The following PCDH9 variants were observed in gnomAD, a reference collection of about 807,000 sequenced individuals.
PCDH9 encodes the protein protocadherin 9, also known as protocadherin-9.
Under a neutral mutation model 70.6 loss-of-function variants are expected in PCDH9, and 24 were observed. The ratio of observed to expected loss-of-function variants is 0.34; its 90% CI spans 0.25 to 0.48. PCDH9 has a LOEUF of 0.48. PCDH9 is among the 20% of genes least tolerant of loss of function. The probability of loss-of-function intolerance (pLI) is 0.99; values close to 1 mark genes in which losing one functional copy is unlikely to be tolerated. For synonymous variants in PCDH9, 562 were observed against 558.5 expected (o/e 1.01, Z -0.09); for missense variants, 1,281 against 1,503.6 (o/e 0.85, Z 2.45).
chr13:66,831,004 C>G (rs529891768), intron 3 of PCDH9, among the ~76,000 whole-genome samples: 1 of 152,254 alleles, frequency 6.6e-6, no homozygotes, highest in East Asian at 1.9e-4. Context: ...TTAAAAATAT[C>G]CCTTAGGGTA....
chr13:66,590,827 A>G (rs900183693), intron 4 of PCDH9, among the ~76,000 whole-genome samples: 2 of 151,698 alleles, frequency 1.3e-5, no homozygotes, highest in African/African-American at 4.8e-5. Flanking sequence ...ATATAGCTCT[A>G]TTTCTCCATT....
intron 2 of PCDH9, among the ~76,000 whole-genome samples, chr13:66,920,985 A>C (rs1316324344): frequency 6.6e-6 from 1 of 151,286 alleles, no homozygotes; most frequent in African/African-American, 2.4e-5. Context: ...AAACTATCTT[A>C]GAGTGAATCT....
chr13:66,355,882 C>T (rs926951124), intron 4 of PCDH9, among the ~76,000 whole-genome samples: 3 of 152,076 alleles, frequency 2.0e-5, no homozygotes, highest in African/African-American at 4.8e-5. Flanking sequence ...GACTGTTTCT[C>T]AGGAGAAAAC....
At chr13:66,899,053 C>T (rs996350724) in intron 3 of PCDH9, among the ~76,000 whole-genome samples, 14 of 151,992 alleles carry the variant, frequency 9.2e-5, no homozygotes, top group African/African-American at 3.4e-4. Context: ...CTCTCACGCA[C>T]CCCTCTTACT....
intron 3 of PCDH9, among the ~76,000 whole-genome samples, chr13:66,744,529 C>T (rs1232453738): frequency 6.6e-6 from 1 of 152,144 alleles, no homozygotes. Flanking sequence ...ACACACAAAA[C>T]ATGTTCACAT....
intron 2 of PCDH9, among the ~76,000 whole-genome samples, chr13:67,099,858 A>C (rs1281112938): frequency 6.6e-6 from 1 of 152,208 alleles, no homozygotes. Flanking sequence ...TGTAAGTTTG[A>C]CACATTGTTC....
chr13:66,780,723 T>C (rs977878167), intron 3 of PCDH9, among the ~76,000 whole-genome samples: 1 of 152,162 alleles, frequency 6.6e-6, no homozygotes, highest in African/African-American at 2.4e-5. Context: ...ATAAAACTTA[T>C]ACATTTATTT....
chr13:66,955,936 A>G (rs1272191226), intron 2 of PCDH9, among the ~76,000 whole-genome samples: 1 of 152,122 alleles, frequency 6.6e-6, no homozygotes, highest in Non-Finnish European at 1.5e-5. Context: ...TACTAAAAAT[A>G]AAAAATAAAT....
intron 4 of PCDH9, among the ~76,000 whole-genome samples, chr13:66,329,503 CT>C (rs369708461): frequency 1.0e-3 from 158 of 152,234 alleles, no homozygotes; most frequent in African/African-American, 3.6e-3. Flanking sequence ...TATGCTCAAC[CT>C]TTTCCAAGTT....
intron 3 of PCDH9, among the ~76,000 whole-genome samples, chr13:66,665,485 C>T (rs1192118356): frequency 6.6e-6 from 1 of 152,164 alleles, no homozygotes; most frequent in African/African-American, 2.4e-5. Context: ...ATTTGGTACA[C>T]ATATTTCCCA....
intron 4 of PCDH9, among the ~76,000 whole-genome samples, chr13:66,587,022 C>G (rs964788454): frequency 6.6e-6 from 1 of 151,932 alleles, no homozygotes; most frequent in Non-Finnish European, 1.5e-5. Context: ...AGTACGGCAC[C>G]CGTCAGCTGG....
At chr13:66,843,026 A>G (rs771925917) in intron 3 of PCDH9, among the ~76,000 whole-genome samples, 1 of 152,188 alleles carries the variant, frequency 6.6e-6, no homozygotes, top group Non-Finnish European at 1.5e-5. Context: ...TTCACTCTTG[A>G]TCTATGTTAA....
chr13:66,687,889 A>C (rs540677651), intron 3 of PCDH9, among the ~76,000 whole-genome samples: 113 of 152,220 alleles, frequency 7.4e-4, no homozygotes, highest in African/African-American at 2.6e-3. Flanking sequence ...CTTCTATGAT[A>C]GTTCTTAGAG....
rs2089911151 is a variant in PCDH9, at chr13:67,227,600, T to C, written c.841A>G (p.Ile281Val). The C allele has an allele frequency of 1.9e-6, 3 of 1,614,122 alleles. No individual in the cohort carries two copies. The East Asian group carries it at 6.7e-5, about 36-fold the overall frequency. ...TACCGGATTTCAGCATTACTGCCTA[T>C]ATCTGCATCAGTGGCATGGAGCTGA... ...VIQLHATDAD[I>V]GSNAEIRYIF... Residue 281 changes from isoleucine to valine, a missense_variant, in exon 2 of 5, where the codon ATA becomes GTA. Coordinates refer to ENST00000377865, the MANE Select transcript of PCDH9 (RefSeq NM_203487.3). This position sits in a 1 kb window ranked among gnomAD's most constrained non-coding sequence, Gnocchi z 4.6.
At chr13:66,338,375 T>A (rs1245572257) in intron 4 of PCDH9, among the ~76,000 whole-genome samples, 2 of 152,038 alleles carry the variant, frequency 1.3e-5, no homozygotes, top group African/African-American at 4.8e-5. Flanking sequence ...TAATTTAACT[T>A]TTTTTGATAA....
intron 3 of PCDH9, among the ~76,000 whole-genome samples, chr13:66,632,417 A>G (rs1385114967): frequency 6.6e-6 from 1 of 152,230 alleles, no homozygotes; most frequent in Non-Finnish European, 1.5e-5. Flanking sequence ...ATTCTTGACC[A>G]TTGACCCAGC....
chr13:66,403,454 T>A (rs1010570595), intron 4 of PCDH9, among the ~76,000 whole-genome samples: 3 of 152,144 alleles, frequency 2.0e-5, no homozygotes, highest in African/African-American at 7.2e-5. Context: ...AGAAATAAGT[T>A]AAATATGCTT....
chr13:67,188,594 A>G (rs1310605925), intron 2 of PCDH9, among the ~76,000 whole-genome samples: 5 of 152,206 alleles, frequency 3.3e-5, no homozygotes, highest in Non-Finnish European at 5.9e-5. Flanking sequence ...ATTTGGAATC[A>G]CATTTGAAAA....
At chr13:66,402,488 A>G (rs1957205392) in intron 4 of PCDH9, among the ~76,000 whole-genome samples, 1 of 152,070 alleles carries the variant, frequency 6.6e-6, no homozygotes, top group Non-Finnish European at 1.5e-5. Flanking sequence ...TGTAACTTAG[A>G]TTAAATATTT....
Sources: allele counts gnomAD v4.1 joint callset (sites outside exome capture counted in the v4.1 genomes callset), GRCh38; gene constraint gnomAD v4.1.1; non-coding constraint Gnocchi (gnomAD v3.1); transcripts MANE v1.5; gene names NCBI Gene and HGNC (gene_info 2026-07-23, HGNC 2026-07-21).